ARSG: variants seen among roughly 807,000 people sequenced by gnomAD.
ARSG encodes ASG.
A neutral mutation model predicts 50.5 loss-of-function variants in ARSG; 37 were observed. The ratio of observed to expected loss-of-function variants is 0.73; its 90% confidence interval spans 0.56 to 0.96. The LOEUF (loss-of-function observed/expected upper bound fraction) is 0.96. Ranked by LOEUF, ARSG falls within the 50% of genes least tolerant of loss-of-function variation. The pLI, the probability that ARSG is intolerant of heterozygous loss-of-function variation, is 0.00. For missense variants in ARSG, 629 were observed against 675.3 expected (o/e 0.93, Z 0.76); for synonymous variants, 225 against 254.6 (o/e 0.88, Z 1.11).
intron 2 of ARSG, among the ~76,000 whole-genome samples, chr17:68,338,219 G>C (rs79500741): frequency 0.012 from 1,892 of 152,178 alleles, 41 homozygotes; most frequent in African/African-American, 0.043. Context: ...TGTGTTTTTA[G>C]TGTGTGTGTG....
intron 1 of ARSG, among the ~76,000 whole-genome samples, chr17:68,260,517 T>C (rs1280330304): frequency 9.9e-5 from 15 of 152,224 alleles, no homozygotes; most frequent in Non-Finnish European, 1.9e-4. Context: ...AAATAGGGTC[T>C]TGCTCTGTTG....
rs377126446 is a variant in ARSG at position 68,307,760 on chromosome 17, G to A, written c.218+49G>A. The A allele has an allele frequency of 3.1e-5, 32 of 1,018,778 alleles. No individual in the cohort carries two copies. In the East Asian group the frequency reaches 4.5e-4, roughly 14 times the overall value. The allele number at this position is 1,018,778 out of a possible 1,614,324, so 63.1% of individuals were successfully genotyped here. A position where few individuals can be genotyped will look rare whatever the true frequency, so the allele number is the denominator to read the frequency against. On this transcript the variant is annotated intron_variant, in intron 2 of 11. Transcript: ENST00000621439. ...GCCTTTCTTTGGATGTCTTACTCCC[G>A]TTCTTGAGAGGGGAAGGGGCCGTGC...
intron 4 of ARSG, among the ~76,000 whole-genome samples, chr17:68,350,904 A>T (rs187462016): frequency 6.6e-6 from 1 of 152,186 alleles, no homozygotes. Context: ...TTGGGTTTCA[A>T]TGCTCACACC....
chr17:68,438,790 A>G, the ARSG span, among the ~76,000 whole-genome samples: 1 of 152,192 alleles, frequency 6.6e-6, no homozygotes, highest in Non-Finnish European at 1.5e-5. Flanking sequence ...CAGTAGAGAC[A>G]GGGTTTCACC....
intron 1 of ARSG, among the ~76,000 whole-genome samples, chr17:68,280,212 A>G (rs2075651497): frequency 6.6e-6 from 1 of 151,440 alleles, no homozygotes; most frequent in Non-Finnish European, 1.5e-5. Context: ...AATTATTTAT[A>G]TATGACCCAA....
At chr17:68,287,133 G>A (rs148134689), upstream of ARSG, among the ~76,000 whole-genome samples, 2 of 152,186 alleles carry the variant, frequency 1.3e-5, no homozygotes, top group East Asian at 1.9e-4. Flanking sequence ...ACAGGCATGC[G>A]CCACCATGCC....
intron 6 of ARSG, among the ~76,000 whole-genome samples, chr17:68,360,770 A>T (rs1203650787): frequency 6.6e-6 from 1 of 152,118 alleles, no homozygotes; most frequent in African/African-American, 2.4e-5. Flanking sequence ...GATAAGCAGG[A>T]GTGTATCGGG....
chr17:68,317,016 T>C (rs886492178), intron 2 of ARSG, among the ~76,000 whole-genome samples: 3 of 152,128 alleles, frequency 2.0e-5, no homozygotes, highest in Non-Finnish European at 2.9e-5. Context: ...CCCTTTTAGT[T>C]TGTGGCCAGC....
intron 5 of ARSG, among the ~76,000 whole-genome samples, chr17:68,354,544 A>C (rs963382791): frequency 2.0e-5 from 3 of 152,198 alleles, no homozygotes; most frequent in African/African-American, 7.2e-5. Flanking sequence ...AAGCTGAAAA[A>C]TTCAACATAA....
At chr17:68,316,795 C>T (rs1313917785) in intron 2 of ARSG, among the ~76,000 whole-genome samples, 5 of 152,142 alleles carry the variant, frequency 3.3e-5, no homozygotes, top group Admixed American at 1.3e-4. Context: ...CGGCCCTGCT[C>T]CCCTGTTCGT....
At chr17:68,404,798 AAG>A (rs1490489944) in intron 11 of ARSG, among the ~76,000 whole-genome samples, 3 of 152,224 alleles carry the variant, frequency 2.0e-5, no homozygotes, top group Non-Finnish European at 4.4e-5. Context: ...TATTTTTAAA[AAG>A]AGTGTTAGTA....
the ARSG span, among the ~76,000 whole-genome samples, chr17:68,445,437 A>C: frequency 1.3e-5 from 2 of 152,180 alleles, no homozygotes; most frequent in Admixed American, 6.5e-5. Flanking sequence ...ATTTCTACTC[A>C]GACTCTCCTC....
intron 1 of ARSG, among the ~76,000 whole-genome samples, chr17:68,292,410 A>T (rs544630980): frequency 6.6e-6 from 1 of 152,172 alleles, no homozygotes; most frequent in African/African-American, 2.4e-5. Context: ...GGAGCTCCTC[A>T]TGGGGACAAA....
chr17:68,352,035 G>A (rs961725216), intron 5 of ARSG, among the ~76,000 whole-genome samples: 2 of 151,648 alleles, frequency 1.3e-5, no homozygotes, highest in Non-Finnish European at 2.9e-5. Context: ...AGGAGGGAGG[G>A]AGGGAGAGAG....
chr17:68,436,465 AGAG>A, the ARSG span: 3 of 1,613,952 alleles, frequency 1.9e-6, no homozygotes, highest in Non-Finnish European at 2.5e-6. Context: ...TGGTTGATAG[AGAG>A]AGCACATAGA....
intron 11 of ARSG, among the ~76,000 whole-genome samples, chr17:68,401,705 C>T (rs911026427): frequency 2.6e-5 from 4 of 152,208 alleles, no homozygotes; most frequent in Admixed American, 1.3e-4. Context: ...TTATTCAGCT[C>T]CTTTTCACAT....
intron 10 of ARSG, among the ~76,000 whole-genome samples, chr17:68,398,340 CATAA>C (rs888703638): frequency 1.6e-4 from 25 of 152,102 alleles, no homozygotes; most frequent in African/African-American, 3.6e-4. Flanking sequence ...TGTCCAGGCA[CATAA>C]ATAGAGATAT....
intron 1 of ARSG, among the ~76,000 whole-genome samples, chr17:68,264,707 G>T (rs2075125024): frequency 6.6e-6 from 1 of 151,998 alleles, no homozygotes; most frequent in African/African-American, 2.4e-5. Context: ...AAAGAGCTGG[G>T]ATTACAGGCG....
At chr17:68,427,892 T>C in the ARSG span, among the ~76,000 whole-genome samples, 1 of 152,032 alleles carries the variant, frequency 6.6e-6, no homozygotes, top group East Asian at 1.9e-4. Context: ...TTTTCTTTTG[T>C]TTTCTTTTCT....
Sources: gnomAD v4.1 joint callset for allele counts (sites outside exome capture counted in the v4.1 genomes callset) on GRCh38, gnomAD v4.1.1 for gene constraint, MANE v1.5 for transcripts, NCBI Gene and HGNC (gene_info 2026-07-23, HGNC 2026-07-21) for gene names.